Variants in TTC17 observed in about 807,000 individuals in gnomAD.
The protein encoded by TTC17 is tetratricopeptide repeat domain 17, also known as tetratricopeptide repeat protein 17.
A neutral mutation model predicts 143.8 loss-of-function variants in TTC17; 58 were observed. The ratio of observed to expected loss-of-function variants is 0.40; its 90% CI spans 0.33 to 0.50. The LOEUF is 0.50. Among genes scored for constraint, TTC17 ranks in the 20% least tolerant of loss-of-function variants. The probability of loss-of-function intolerance (pLI) is 0.49; values close to 1 mark genes in which losing one functional copy is unlikely to be tolerated. For synonymous variants in TTC17, 501 were observed against 497.8 expected, an observed-to-expected ratio of 1.01 and a Z score of -0.09; for missense variants, 1,273 against 1,392.5, an observed-to-expected ratio of 0.91 and a Z score of 1.37.
At chr11:43,485,887 T>G (rs1948371153) in intron 21 of TTC17, among the ~76,000 whole-genome samples, 1 of 148,870 alleles carries the variant, frequency 6.7e-6, no homozygotes, top group Admixed American at 6.7e-5. Flanking sequence ...TTTTTTGTTT[T>G]TTTTTTTTTT....
chr11:43,395,016 TTAAA>T (rs1590349017), intron 5 of TTC17, among the ~76,000 whole-genome samples: 1 of 152,324 alleles, frequency 6.6e-6, no homozygotes, highest in East Asian at 1.9e-4. Context: ...AGATATTTCT[TTAAA>T]TATATATTTT....
At chr11:43,419,944 T>C (rs2090696297) in intron 16 of TTC17, among the ~76,000 whole-genome samples, 1 of 152,222 alleles carries the variant, frequency 6.6e-6, no homozygotes, top group African/African-American at 2.4e-5. Context: ...TATTGCAGAT[T>C]TTAAAATCCT....
intron 9 of TTC17, 61 bp downstream of exon 9, chr11:43,400,109 C>G: frequency 5.2e-6 from 8 of 1,531,944 alleles, no homozygotes; most frequent in Non-Finnish European, 6.2e-6. Flanking sequence ...GCATGCTTTA[C>G]TATCATAACT....
intron 15 of TTC17, among the ~76,000 whole-genome samples, chr11:43,414,342 G>A (rs1255927803): frequency 2.0e-5 from 3 of 151,902 alleles, no homozygotes; most frequent in South Asian, 2.1e-4. Context: ...GCAGTGTGGC[G>A]GTTACAGGGG....
chr11:43,389,720 A>G lies in TTC17; in HGVS notation c.318A>G (p.Arg106=), dbSNP rs138792978. Residue 106 remains arginine, a synonymous_variant, in exon 3 of 24, where the codon AGA becomes AGG. Coordinates refer to ENST00000039989, the MANE Select transcript of TTC17 (RefSeq NM_018259.6). ...ACAGAGACACAGGACTGGAACAGAG[A>G]CATAATAAAGAAGACCCAGACTGCA... ...NEDRDTGLEQ[R]HNKEDPDCIK... The G allele has an allele frequency of 1.3e-5, 21 of 1,613,958 alleles. No individual in the cohort carries two copies. Among genetic ancestry groups the G allele is most frequent in the African/African-American group, 2.7e-5 (2 of 74,928 alleles).
chr11:43,380,456 T>C (rs1856922855), intron 2 of TTC17, among the ~76,000 whole-genome samples: 1 of 152,200 alleles, frequency 6.6e-6, no homozygotes, highest in Non-Finnish European at 1.5e-5. Context: ...GCTTTTGCCA[T>C]GTTGGCCAGG....
chr11:43,429,088 G>A (rs1426514109), intron 16 of TTC17, among the ~76,000 whole-genome samples: 2 of 152,198 alleles, frequency 1.3e-5, no homozygotes, highest in African/African-American at 4.8e-5. Flanking sequence ...GGCAGAGGAG[G>A]TGAGGCATCT....
At chr11:43,492,731 G>T (rs138955634) in intron 23 of TTC17, among the ~76,000 whole-genome samples, 2 of 152,134 alleles carry the variant, frequency 1.3e-5, no homozygotes, top group Non-Finnish European at 2.9e-5. Flanking sequence ...AAGAAATTCC[G>T]CTAGTTTCAT....
At chr11:43,360,050 C>T (rs1856035022) in intron 1 of TTC17, among the ~76,000 whole-genome samples, 1 of 152,128 alleles carries the variant, frequency 6.6e-6, no homozygotes, top group African/African-American at 2.4e-5. Flanking sequence ...ATTGTGTGCC[C>T]CATGCAATTT....
intron 2 of TTC17, among the ~76,000 whole-genome samples, chr11:43,382,138 A>G (rs1389481476): frequency 6.6e-6 from 1 of 152,218 alleles, no homozygotes. Context: ...GAAGACAGTG[A>G]AGGGTAAGGG....
At chr11:43,369,252 C>G (rs76429475) in intron 1 of TTC17, among the ~76,000 whole-genome samples, 2,216 of 152,284 alleles carry the variant, frequency 0.015, 34 homozygotes, top group African/African-American at 0.048. Context: ...AAAATGGTTA[C>G]TAACTTGCTT....
intron 2 of TTC17, among the ~76,000 whole-genome samples, chr11:43,381,501 A>T (rs1856967538): frequency 6.6e-6 from 1 of 152,198 alleles, no homozygotes; most frequent in South Asian, 2.1e-4. Context: ...GGATGGAGCC[A>T]TTCTGCTCCT....
chr11:43,439,470 G>GTTTTT (rs370245266), intron 16 of TTC17, among the ~76,000 whole-genome samples: 1 of 137,936 alleles, frequency 7.2e-6, no homozygotes, highest in African/African-American at 2.6e-5. Flanking sequence ...TTTTTTTTTG[G>GTTTTT]TTTTTTTTTT....
chr11:43,391,611 CGTT>C lies in TTC17; in HGVS notation c.531+37_531+39del, dbSNP rs1565140833. On this transcript the variant is annotated intron_variant, in intron 4 of 23. Transcript: ENST00000039989. ...GAACTTTAGGATTTTTTTTTTTTTG[CGTT>C]GCGTTCTTCTTTCAGTTGGTCTCTC... 28 of 10,676 alleles carry C rather than the reference CGTT, an allele frequency of 2.6e-3. 2 individuals carry two copies. The highest frequency in any genetic ancestry group is 9.7e-3 in the Admixed American group (2 of 206). 0.7% of individuals were successfully genotyped at this position (10,676 alleles called of 1,614,324 possible). A position where few individuals can be genotyped will look rare whatever the true frequency, so the allele number is the denominator to read the frequency against.
chr11:43,415,414 C>T (rs1383755187), intron 16 of TTC17, among the ~76,000 whole-genome samples: 2 of 152,106 alleles, frequency 1.3e-5, no homozygotes, highest in African/African-American at 4.8e-5. Context: ...TCTGTTTAAC[C>T]TTCACTATAA....
chr11:43,387,190 C>T (rs1320965698), intron 2 of TTC17, among the ~76,000 whole-genome samples: 2 of 152,122 alleles, frequency 1.3e-5, no homozygotes, highest in African/African-American at 4.8e-5. Context: ...TATGTTCAAT[C>T]TTATTAAATA....
intron 21 of TTC17, among the ~76,000 whole-genome samples, chr11:43,461,102 C>T (rs1174980166): frequency 1.3e-5 from 2 of 152,080 alleles, no homozygotes; most frequent in Non-Finnish European, 2.9e-5. Flanking sequence ...AACTAGAAGC[C>T]GGCCGGGCGC....
intron 5 of TTC17, among the ~76,000 whole-genome samples, chr11:43,395,165 A>G (rs188875981): frequency 6.7e-6 from 1 of 150,024 alleles, no homozygotes; most frequent in Non-Finnish European, 1.5e-5. Context: ...CAGTGGCGCA[A>G]TCTCAGCTCA....
Position 43,387,547 on chromosome 11 carries a change from G to T in TTC17, c.250-2105G>T, listed in dbSNP as rs1857215047. Among the ~76,000 whole-genome samples the T allele has an allele frequency of 2.6e-5, 4 of 152,256 alleles. No homozygotes were observed. The South Asian group carries it at 8.3e-4, about 32-fold the overall frequency. ...AAAATCTTAATGGCATAAACAATAA[G>T]GTCATGCTAAGTGATCATTTGGGGC... On this transcript the variant is annotated intron_variant, in intron 2 of 23. Transcript: ENST00000039989.
Sources: gnomAD v4.1 joint callset for allele counts (sites outside exome capture counted in the v4.1 genomes callset) on GRCh38, gnomAD v4.1.1 for gene constraint, MANE v1.5 for transcripts, NCBI Gene and HGNC (gene_info 2026-07-23, HGNC 2026-07-21) for gene names.